The following DPYSL3 variants were observed in gnomAD, a reference collection of about 807,000 sequenced individuals.
The protein encoded by DPYSL3 is dihydropyrimidinase like 3.
In DPYSL3, 16 loss-of-function variants were observed where a neutral mutation model predicts 66.1. That is an observed-to-expected ratio of 0.24 (90% CI 0.16 to 0.37). The LOEUF is 0.37. DPYSL3 is among the 10% of genes least tolerant of loss of function. The pLI, the probability that DPYSL3 is intolerant of heterozygous loss-of-function variation, is 1.00. For synonymous variants in DPYSL3, 338 were observed against 345.1 expected, an observed-to-expected ratio of 0.98 and a Z score of 0.23; for missense variants, 738 against 916.2, an observed-to-expected ratio of 0.81 and a Z score of 2.51.
chr5:147,391,271 T>C lies in DPYSL3; in HGVS notation c.*2764A>G, dbSNP rs1757791739. The C allele has an allele frequency of 6.6e-6, 1 of 152,648 alleles. No individual in the cohort carries two copies. 9.5% of individuals were successfully genotyped at this position (152,648 alleles called of 1,614,324 possible). ...GTCGTGAAGAACAAGGCTGAGGGAT[T>C]TTGAAGTAAACCCATTTTCAGGATG... On this transcript the variant is annotated 3_prime_UTR_variant, in exon 14 of 14. Transcript: ENST00000343218.
intron 1 of DPYSL3, among the ~76,000 whole-genome samples, chr5:147,490,625 CAAAA>C (rs147266150): frequency 6.6e-6 from 1 of 151,768 alleles, no homozygotes; most frequent in African/African-American, 2.4e-5. Flanking sequence ...GCTAAACAAA[CAAAA>C]AAAATCAATA....
Position 147,412,689 on chromosome 5 carries a change from C to A in DPYSL3, c.883-1G>T. On this transcript the variant is annotated splice_acceptor_variant, in intron 5 of 13. Coordinates refer to ENST00000343218, the MANE Select transcript of DPYSL3 (RefSeq NM_001197294.2). LOFTEE classifies it high-confidence loss of function. Reference sequence around the variant, plus strand: ...CCAGGCAGGTGAAGATCTCATAGAGCTGAAATAGAAATGAGTCTTTGTCAC... The same window carrying A: ...CCAGGCAGGTGAAGATCTCATAGAGATGAAATAGAAATGAGTCTTTGTCAC... The A allele has an allele frequency of 6.2e-7, 1 of 1,609,612 alleles. No homozygotes were observed. Among genetic ancestry groups the A allele is most frequent in the Admixed American group, 1.7e-5 (1 of 59,658 alleles).
intron 9 of DPYSL3, 107 bp downstream of exon 9, chr5:147,401,433 C>A: frequency 7.7e-7 from 1 of 1,298,892 alleles, no homozygotes; most frequent in Non-Finnish European, 1.0e-6. Context: ...GTTCACACTG[C>A]AGACTCTGGT....
At chr5:147,487,639 A>C (rs899168650) in intron 1 of DPYSL3, among the ~76,000 whole-genome samples, 1 of 152,188 alleles carries the variant, frequency 6.6e-6, no homozygotes, top group African/African-American at 2.4e-5. Context: ...ATTCATTTAC[A>C]TGTTGTCTAT....
intron 1 of DPYSL3, among the ~76,000 whole-genome samples, chr5:147,481,559 G>A (rs1419157302): frequency 6.6e-6 from 1 of 152,230 alleles, no homozygotes; most frequent in Non-Finnish European, 1.5e-5. Context: ...AAGGCTTGCT[G>A]TGGTTTGAAT....
intron 2 of DPYSL3, among the ~76,000 whole-genome samples, chr5:147,423,781 C>T (rs532665777): frequency 3.3e-5 from 5 of 152,218 alleles, no homozygotes; most frequent in South Asian, 2.1e-4. Context: ...AGTGCAGTGG[C>T]GCCATCTTGG....
At chr5:147,470,644 A>G (rs1441503629) in intron 1 of DPYSL3, among the ~76,000 whole-genome samples, 2 of 151,970 alleles carry the variant, frequency 1.3e-5, no homozygotes, top group African/African-American at 2.4e-5. Flanking sequence ...CTGTGGCTTC[A>G]TCTTCTCTTC....
intron 1 of DPYSL3, among the ~76,000 whole-genome samples, chr5:147,437,046 G>A (rs1290389795): frequency 6.6e-6 from 1 of 152,202 alleles, no homozygotes; most frequent in Non-Finnish European, 1.5e-5. Context: ...CTGAAAGGCA[G>A]AAAAGAAGGG....
chr5:147,488,758 T>C (rs1753372821), intron 1 of DPYSL3, among the ~76,000 whole-genome samples: 1 of 152,050 alleles, frequency 6.6e-6, no homozygotes, highest in Admixed American at 6.6e-5. Context: ...CTCATCCCTG[T>C]AATCCCACCA....
chr5:147,478,305 G>A (rs2126432022), intron 1 of DPYSL3, among the ~76,000 whole-genome samples: 1 of 152,274 alleles, frequency 6.6e-6, no homozygotes, highest in Non-Finnish European at 1.5e-5. Context: ...AGGGAGGCTG[G>A]AACATGTAGT....
chr5:147,404,241 A>G (rs1206665614), intron 8 of DPYSL3, among the ~76,000 whole-genome samples: 1 of 152,228 alleles, frequency 6.6e-6, no homozygotes, highest in Non-Finnish European at 1.5e-5. Flanking sequence ...TCTAAAAGCT[A>G]AGGAGAAAAC....
chr5:147,408,749 A>G lies in DPYSL3; in HGVS notation c.1011T>C (p.His337=), dbSNP rs201569659. The G allele has an allele frequency of 1.5e-5, 25 of 1,614,050 alleles. No homozygotes were observed. The Admixed American group carries it at 2.5e-4, about 16-fold the overall frequency. Residue 337 remains histidine, a synonymous_variant, in exon 7 of 14, where the codon CAT becomes CAC. Coordinates refer to ENST00000343218, the MANE Select transcript of DPYSL3 (RefSeq NM_001197294.2). ...TTACCTCTTCTGGCCTGCTCAGTAC[A>G]TGGCCTTCTGGGCCAGTTATCCCCA... ...LEMGITGPEG[H]VLSRPEELEA... is the part of the protein sequence containing the mutation.
intron 1 of DPYSL3, among the ~76,000 whole-genome samples, chr5:147,448,048 T>C (rs1225606322): frequency 1.3e-5 from 2 of 152,126 alleles, no homozygotes; most frequent in Admixed American, 1.3e-4. Flanking sequence ...AATATGTCAA[T>C]AGGTAAAGAA....
chr5:147,427,980 C>A (rs1752227756), intron 1 of DPYSL3, among the ~76,000 whole-genome samples: 1 of 152,110 alleles, frequency 6.6e-6, no homozygotes, highest in African/African-American at 2.4e-5. Flanking sequence ...CAGCCCTGAG[C>A]CACTGGTGTG....
intron 8 of DPYSL3, chr5:147,402,048 A>G (rs1758197215): frequency 4.4e-6 from 1 of 225,314 alleles, no homozygotes; most frequent in Admixed American, 5.9e-5. Flanking sequence ...TGCTCTAGTA[A>G]TGGGTTCCAT....
intron 1 of DPYSL3, among the ~76,000 whole-genome samples, chr5:147,481,857 T>C (rs1581213510): frequency 6.6e-6 from 1 of 152,218 alleles, no homozygotes; most frequent in Non-Finnish European, 1.5e-5. Context: ...TAAATTTATG[T>C]TCATTATAAA....
intron 1 of DPYSL3, among the ~76,000 whole-genome samples, chr5:147,435,722 G>GA (rs551677435): frequency 5.9e-5 from 9 of 151,754 alleles, no homozygotes; most frequent in East Asian, 3.9e-4. Context: ...GTGGCAGGGG[G>GA]AAAAAAAACA....
chr5:147,458,747 A>G (rs563109797), intron 1 of DPYSL3, among the ~76,000 whole-genome samples: 10 of 152,300 alleles, frequency 6.6e-5, no homozygotes, highest in African/African-American at 2.4e-4. Flanking sequence ...AGGAGCAGGT[A>G]GGGTGTGGAA....
intron 1 of DPYSL3, among the ~76,000 whole-genome samples, chr5:147,477,748 A>G (rs1030668185): frequency 1.4e-5 from 2 of 145,842 alleles, no homozygotes; most frequent in Non-Finnish European, 3.0e-5. Flanking sequence ...GCGCCCGGCT[A>G]ATTTTTTGTA....
Sources: allele counts gnomAD v4.1 joint callset (sites outside exome capture counted in the v4.1 genomes callset), GRCh38; gene constraint gnomAD v4.1.1; transcripts MANE v1.5; gene names NCBI Gene and HGNC (gene_info 2026-07-23, HGNC 2026-07-21).